KIZ: variants seen among roughly 807,000 people sequenced by gnomAD.
KIZ encodes the protein centrosomal protein kizuna.
KIZ carries 68 observed loss-of-function variants against 79.6 expected under a neutral mutation model. The ratio of observed to expected loss-of-function variants is 0.85; its 90% CI spans 0.70 to 1.05. The LOEUF (loss-of-function observed/expected upper bound fraction) is 1.05, where lower values mean the gene tolerates loss of function less well. KIZ is among the 50% of genes least tolerant of loss of function. The pLI is 0.00. For synonymous variants in KIZ, 280 were observed against 281.8 expected (o/e 0.99, Z 0.06); for missense variants, 797 against 800.4 (o/e 1.00, Z 0.05).
chr20:21,131,061 T>A (rs965888587), intron 1 of KIZ, among the ~76,000 whole-genome samples: 11 of 152,206 alleles, frequency 7.2e-5, no homozygotes, highest in African/African-American at 2.4e-4. Context: ...ATGAGCAATT[T>A]AGCTTCAATT....
intron 4 of KIZ, among the ~76,000 whole-genome samples, chr20:21,159,529 C>T (rs1397934759): frequency 1.3e-5 from 2 of 151,774 alleles, no homozygotes; most frequent in Non-Finnish European, 2.9e-5. Context: ...CCCAGCCCTT[C>T]GGTCCCCAGC....
intron 8 of KIZ, 45 bp downstream of exon 8, chr20:21,214,745 G>A (rs899585272): frequency 4.6e-6 from 6 of 1,296,960 alleles, no homozygotes; most frequent in African/African-American, 4.4e-5. Context: ...AGGCATTCAG[G>A]GTCATCATCA....
intron 9 of KIZ, chr20:21,226,361 A>G (rs1334934738): frequency 1.3e-5 from 2 of 152,320 alleles, no homozygotes; most frequent in Non-Finnish European, 1.5e-5. Context: ...GTCTGTTTGC[A>G]ATATCTGAAC....
At chr20:21,171,669 T>G (rs2034210963) in intron 6 of KIZ, among the ~76,000 whole-genome samples, 1 of 152,150 alleles carries the variant, frequency 6.6e-6, no homozygotes. Flanking sequence ...AGTCTCAGAG[T>G]CCTGTCCTTA....
At chr20:21,225,813 G>T (rs1361575534) in intron 9 of KIZ, among the ~76,000 whole-genome samples, 1 of 152,108 alleles carries the variant, frequency 6.6e-6, no homozygotes, top group Non-Finnish European at 1.5e-5. Flanking sequence ...GCTGTTTCAG[G>T]AGGATGTCTG....
chr20:21,140,066 C>T (rs76335806), intron 3 of KIZ, among the ~76,000 whole-genome samples: 3,160 of 152,284 alleles, frequency 0.021, 105 homozygotes, highest in African/African-American at 0.071. Context: ...TCTTCTTCAG[C>T]AGGCTGTGCA....
chr20:21,162,474 C>T lies in KIZ; in HGVS notation c.1009C>T (p.Gln337Ter). 6.2e-7 allele frequency: 1 copy of T among 1,613,078 alleles called. No homozygotes were observed. The highest frequency in any genetic ancestry group is 1.1e-5 in the South Asian group (1 of 90,990). The change falls in exon 5 of 13, where the codon CAA (glutamine) becomes TAA (stop). Residue 337 changes from glutamine to a stop codon, truncating the protein, a stop_gained. Transcript: ENST00000619189. LOFTEE classifies it high-confidence loss of function. The part of the protein sequence containing the change: ...EYCESENKWS[Q>*]EKHSPWEGVS... ...CTGTGAATCTGAAAATAAGTGGTCT[C>T]AAGAGAAGCATTCTCCTTGGGAAGG... is the stretch of plus-strand genomic sequence containing the variant.
At chr20:21,227,849 A>G (rs1307312709) in intron 9 of KIZ, among the ~76,000 whole-genome samples, 1 of 152,202 alleles carries the variant, frequency 6.6e-6, no homozygotes, top group Non-Finnish European at 1.5e-5. Context: ...ATTTTTCAAA[A>G]TACTAGTTTC....
intron 7 of KIZ, among the ~76,000 whole-genome samples, chr20:21,212,829 G>T (rs1238950947): frequency 6.6e-6 from 1 of 152,184 alleles, no homozygotes; most frequent in Non-Finnish European, 1.5e-5. Flanking sequence ...GTAGGCAGTT[G>T]GGATGGGGGC....
chr20:21,204,588 C>A (rs908894924), intron 6 of KIZ, among the ~76,000 whole-genome samples: 2 of 151,970 alleles, frequency 1.3e-5, no homozygotes, highest in Non-Finnish European at 2.9e-5. Flanking sequence ...TGGGAGCTTC[C>A]TAAGATATCC....
chr20:21,142,549 G>C (rs1412702453), intron 3 of KIZ, among the ~76,000 whole-genome samples: 1 of 151,978 alleles, frequency 6.6e-6, no homozygotes, highest in South Asian at 2.1e-4. Flanking sequence ...TAATAGCAGA[G>C]GTATTCTGAA....
chr20:21,191,701 A>C (rs908055093), intron 6 of KIZ, among the ~76,000 whole-genome samples: 1 of 152,204 alleles, frequency 6.6e-6, no homozygotes, highest in African/African-American at 2.4e-5. Flanking sequence ...CTTTGTACAC[A>C]TGCTAAAAGA....
At chr20:21,220,912 C>T (rs970897691) in intron 9 of KIZ, among the ~76,000 whole-genome samples, 1 of 152,208 alleles carries the variant, frequency 6.6e-6, no homozygotes, top group African/African-American at 2.4e-5. Context: ...ACAAAGCTTG[C>T]CTTTCCTTTC....
chr20:21,216,559 T>G (rs2036302402), intron 9 of KIZ, among the ~76,000 whole-genome samples: 1 of 152,220 alleles, frequency 6.6e-6, no homozygotes, highest in Non-Finnish European at 1.5e-5. Context: ...ATTCAGATAA[T>G]ATTTCACTCT....
At chr20:21,172,524 A>G (rs546223117) in intron 6 of KIZ, among the ~76,000 whole-genome samples, 8 of 152,180 alleles carry the variant, frequency 5.3e-5, no homozygotes, top group Non-Finnish European at 1.0e-4. Flanking sequence ...ACTTAAACCC[A>G]GGAGGTTGAG....
chr20:21,210,546 T>A (rs1218314845), intron 7 of KIZ, among the ~76,000 whole-genome samples: 4 of 152,204 alleles, frequency 2.6e-5, no homozygotes, highest in African/African-American at 4.8e-5. Context: ...GTAAAAAAGT[T>A]TCAAAGAATA....
At chr20:21,224,097 A>G (rs1322689548) in intron 9 of KIZ, among the ~76,000 whole-genome samples, 1 of 152,046 alleles carries the variant, frequency 6.6e-6, no homozygotes, top group Non-Finnish European at 1.5e-5. Flanking sequence ...AGGTTCAAGC[A>G]GTTCTCCTGC....
At chr20:21,130,903 G>A (rs897174332) in intron 1 of KIZ, among the ~76,000 whole-genome samples, 6 of 152,212 alleles carry the variant, frequency 3.9e-5, no homozygotes, top group African/African-American at 1.4e-4. Context: ...AATGGAGCAT[G>A]GGGCCAGCCC....
chr20:21,126,073 C>T, upstream of KIZ: 1 of 1,461,750 alleles, frequency 6.8e-7, no homozygotes, highest in Non-Finnish European at 9.0e-7. Context: ...CCCGGCCGAA[C>T]GGCCACCCAG....
Sources: gnomAD v4.1 joint callset for allele counts (sites outside exome capture counted in the v4.1 genomes callset) on GRCh38, gnomAD v4.1.1 for gene constraint, MANE v1.5 for transcripts, NCBI Gene and HGNC (gene_info 2026-07-23, HGNC 2026-07-21) for gene names.